YJU2: variants seen among roughly 807,000 people sequenced by gnomAD.
YJU2 encodes the protein YJU2 splicing factor homolog, also known as splicing factor YJU2.
Under a neutral mutation model 39.6 loss-of-function variants are expected in YJU2, and 28 were observed. The ratio of observed to expected loss-of-function variants is 0.71; its 90% confidence interval spans 0.52 to 0.97. The LOEUF (loss-of-function observed/expected upper bound fraction) is 0.97, where lower values mean the gene tolerates loss of function less well. YJU2 is among the 50% of genes least tolerant of loss of function. The pLI is 0.00. For synonymous variants in YJU2, 184 were observed against 182.4 expected, an observed-to-expected ratio of 1.01 and a Z score of -0.07; for missense variants, 328 against 430.4, an observed-to-expected ratio of 0.76 and a Z score of 2.11.
chr19:4,256,670 G>A (rs1253856212), intron 4 of YJU2, among the ~76,000 whole-genome samples: 1 of 152,190 alleles, frequency 6.6e-6, no homozygotes, highest in Non-Finnish European at 1.5e-5. Flanking sequence ...GCTCCCATGA[G>A]GTTGCAGTCA....
Position 4,254,483 on chromosome 19 carries a change from C to T in YJU2, c.399C>T (p.Pro133=). 2 of 1,597,040 alleles carry T rather than the reference C, an allele frequency of 1.3e-6. No homozygotes were observed. The highest frequency in any genetic ancestry group is 1.8e-4 in the Middle Eastern group (1 of 5,660). Residue 133 remains proline (P), a synonymous_variant, in exon 4 of 8, where the codon CCC becomes CCT. Transcript: ENST00000262962. ...KEREDEELNN[P]MKVLENRTKD... ...GGGAGGACGAGGAGCTGAACAACCCCATGAAGGTGAGTCGGGGGCCATGTA... is the reference window on the plus strand; with the variant it reads ...GGGAGGACGAGGAGCTGAACAACCCTATGAAGGTGAGTCGGGGGCCATGTA...
chr19:4,266,381 C>T (rs1335085537), intron 6 of YJU2, among the ~76,000 whole-genome samples: 1 of 152,188 alleles, frequency 6.6e-6, no homozygotes, highest in Non-Finnish European at 1.5e-5. Flanking sequence ...CTGAATCACA[C>T]TGTGGCTTCT....
intron 2 of YJU2, 147 bp from the exon 3 acceptor site, chr19:4,250,880 C>G: frequency 2.6e-6 from 2 of 774,444 alleles, no homozygotes; most frequent in South Asian, 3.6e-5. Context: ...AATTTGGACA[C>G]AGGGTGGGGC....
intron 5 of YJU2, among the ~76,000 whole-genome samples, chr19:4,259,281 G>A (rs192932984): frequency 1.2e-4 from 18 of 151,844 alleles, no homozygotes; most frequent in South Asian, 1.0e-3. Flanking sequence ...GGGTTTCACC[G>A]TGTTAGCCAG....
chr19:4,265,798 C>G (rs1971110757), intron 6 of YJU2, among the ~76,000 whole-genome samples: 1 of 150,116 alleles, frequency 6.7e-6, no homozygotes, highest in African/African-American at 2.5e-5. Flanking sequence ...GGGGTTTCAC[C>G]ATGTTGACCA....
intron 4 of YJU2, among the ~76,000 whole-genome samples, chr19:4,254,861 G>C (rs549796320): frequency 6.6e-6 from 1 of 152,120 alleles, no homozygotes; most frequent in African/African-American, 2.4e-5. Flanking sequence ...TTTGAGACCA[G>C]CCTGACCAAC....
At chr19:4,251,209 C>A (rs780203449) in intron 3 of YJU2, 38 bp downstream of exon 3, 5 of 1,605,088 alleles carry the variant, frequency 3.1e-6, no homozygotes, top group Non-Finnish European at 4.3e-6. Flanking sequence ...CCCTCTCCCC[C>A]AGCACACCTC....
At chr19:4,250,864 A>G (rs1284994982) in intron 2 of YJU2, among the ~76,000 whole-genome samples, 163 bp from the exon 3 acceptor site, 2 of 152,084 alleles carry the variant, frequency 1.3e-5, no homozygotes, top group Non-Finnish European at 2.9e-5. Flanking sequence ...GTTCTCAGGT[A>G]GAGGAAATTT....
At chr19:4,248,165 G>C (rs570026797) in intron 1 of YJU2, 1 of 152,340 alleles carries the variant, frequency 6.6e-6, no homozygotes, top group Admixed American at 6.6e-5. Context: ...CACCGCGCCC[G>C]GCCCCACGCA....
At chr19:4,262,346 G>A (rs1347245786) in intron 6 of YJU2, among the ~76,000 whole-genome samples, 2 of 151,984 alleles carry the variant, frequency 1.3e-5, no homozygotes, top group Admixed American at 6.6e-5. Flanking sequence ...CTACAGGCAC[G>A]CGCCACCAAG....
intron 5 of YJU2, among the ~76,000 whole-genome samples, chr19:4,261,234 T>C (rs923242474): frequency 5.9e-5 from 9 of 152,094 alleles, no homozygotes; most frequent in African/African-American, 1.7e-4. Context: ...TGAAGCTATA[T>C]CCCCTGATTA....
chr19:4,247,585 GTGTGTGTGTGTGTGT>G, intron 1 of YJU2, among the ~76,000 whole-genome samples: 1 of 27,522 alleles, frequency 3.6e-5, no homozygotes, highest in African/African-American at 1.1e-4. Context: ...GGTGGCGCGT[GTGTGTGTGTGTGTGT>G]GTGTGTGTGT....
chr19:4,247,288 G>A (rs1970926547), intron 1 of YJU2, 118 bp downstream of exon 1: 1 of 895,274 alleles, frequency 1.1e-6, no homozygotes, highest in Non-Finnish European at 1.8e-6. Context: ...GGCCTTCCGC[G>A]AGATGGGGCT....
intron 6 of YJU2, among the ~76,000 whole-genome samples, chr19:4,265,976 C>T (rs1180875229): frequency 3.6e-5 from 5 of 137,098 alleles, no homozygotes; most frequent in African/African-American, 1.1e-4. Flanking sequence ...TTTTTCGAGA[C>T]GGCGTCTCGC....
At chr19:4,253,608 A>G (rs1403575189) in intron 3 of YJU2, among the ~76,000 whole-genome samples, 1 of 152,176 alleles carries the variant, frequency 6.6e-6, no homozygotes, top group African/African-American at 2.4e-5. Context: ...TAGTGTTACT[A>G]TTAGCATTTA....
In YJU2 at chr19:4,256,181, A is replaced by T. The variant is rs8109868; in HGVS notation, c.405+1692A>T. Among the ~76,000 whole-genome samples the T allele has an allele frequency of 9.7e-3, 1,226 of 125,804 alleles. 14 individuals are homozygous for T. The highest frequency in any genetic ancestry group is 0.023 in the Middle Eastern group (6 of 258). The allele number at this position is 125,804 out of a possible 152,430, so 82.5% of individuals were successfully genotyped here. ...AGCAAGACTGTCGCAAAAAAAAAAA[A>T]ATATATATATATATATATATATATA... is the stretch of plus-strand genomic sequence containing the variant. On this transcript the variant is annotated intron_variant, in intron 4 of 7. Coordinates refer to ENST00000262962, the MANE Select transcript of YJU2 (RefSeq NM_018074.6).
chr19:4,247,423 A>C, intron 1 of YJU2: 1 of 442,012 alleles, frequency 2.3e-6, no homozygotes, highest in South Asian at 3.5e-5. Context: ...CTTTTACCCA[A>C]TCACCACCAG....
intron 5 of YJU2, among the ~76,000 whole-genome samples, chr19:4,259,359 G>T (rs1485104922): frequency 6.6e-5 from 10 of 151,876 alleles, no homozygotes; most frequent in Non-Finnish European, 1.5e-4. Context: ...GATTGCAGGC[G>T]TGAGCCACCG....
intron 6 of YJU2, among the ~76,000 whole-genome samples, chr19:4,264,850 G>T (rs1319032806): frequency 6.6e-6 from 1 of 152,068 alleles, no homozygotes; most frequent in African/African-American, 2.4e-5. Flanking sequence ...CTGGTCTCAC[G>T]CACCTGGCCT....
Sources: allele counts gnomAD v4.1 joint callset (sites outside exome capture counted in the v4.1 genomes callset), GRCh38; gene constraint gnomAD v4.1.1; transcripts MANE v1.5; gene names NCBI Gene and HGNC (gene_info 2026-07-23, HGNC 2026-07-21).